TMEM132B: variants seen among roughly 807,000 people sequenced by gnomAD.
TMEM132B encodes the protein transmembrane protein 132B.
In TMEM132B, 18 loss-of-function variants were observed where a neutral mutation model predicts 90.8. That is an observed-to-expected ratio of 0.20 (90% CI 0.14 to 0.29). The LOEUF is 0.29. TMEM132B is among the 10% of genes least tolerant of loss of function. The pLI is 1.00. For synonymous variants in TMEM132B, 504 were observed against 523.3 expected (o/e 0.96, Z 0.50); for missense variants, 1,096 against 1,326.8 (o/e 0.83, Z 2.70).
At chr12:125,634,093 T>C (rs942454417) in intron 5 of TMEM132B, among the ~76,000 whole-genome samples, 1 of 152,200 alleles carries the variant, frequency 6.6e-6, no homozygotes, top group African/African-American at 2.4e-5. Flanking sequence ...ACCTTGGAAG[T>C]CTACCTGGTG....
chr12:125,483,936 G>A (rs576066447), intron 3 of TMEM132B, among the ~76,000 whole-genome samples: 1 of 152,182 alleles, frequency 6.6e-6, no homozygotes, highest in Non-Finnish European at 1.5e-5. Context: ...TGGTTTGGGA[G>A]GGAGGAAGGA....
At chr12:125,249,615 G>A (rs549784142) in intron 1 of TMEM132B, among the ~76,000 whole-genome samples, 2 of 152,168 alleles carry the variant, frequency 1.3e-5, no homozygotes, top group Non-Finnish European at 2.9e-5. Flanking sequence ...TTTTACAAAC[G>A]CAGCTGTCTC....
At chr12:125,364,510 A>C (rs1878065594) in intron 2 of TMEM132B, among the ~76,000 whole-genome samples, 1 of 152,134 alleles carries the variant, frequency 6.6e-6, no homozygotes, top group African/African-American at 2.4e-5. Context: ...CCTTATAAAT[A>C]GCTTAGTATG....
In TMEM132B at chr12:125,650,783, G is replaced by C. The variant is rs759726998; in HGVS notation, c.1744G>C (p.Val582Leu). The change falls in exon 7 of 9, where the codon GTG becomes CTG. Residue 582 changes from valine to leucine, a missense_variant. Val to Leu is a conservative substitution (Grantham distance 32). Transcript: ENST00000682704. Reference sequence around the variant, plus strand: ...CACAGTGCGTGTCCTCACCCAGTTTGTGGCCGAGTCACCTGACTTAGGGCA... The same window carrying C: ...CACAGTGCGTGTCCTCACCCAGTTTCTGGCCGAGTCACCTGACTTAGGGCA... ...HATVRVLTQF[V>L]AESPDLGQLT... is the part of the protein sequence containing the mutation. The C allele has an allele frequency of 6.2e-7, 1 of 1,614,108 alleles. No homozygotes were observed. Among genetic ancestry groups the C allele is most frequent in the South Asian group, 1.1e-5 (1 of 91,092 alleles).
intron 3 of TMEM132B, among the ~76,000 whole-genome samples, chr12:125,428,213 C>G (rs137882101): frequency 0.011 from 1,687 of 151,972 alleles, 29 homozygotes; most frequent in African/African-American, 0.037. Flanking sequence ...AGGCTGGTCT[C>G]GAACTGCTGG....
At chr12:125,188,439 A>T (rs904429546) in intron 1 of TMEM132B, among the ~76,000 whole-genome samples, 1 of 152,194 alleles carries the variant, frequency 6.6e-6, no homozygotes, top group African/African-American at 2.4e-5. Context: ...CACGGGGGTC[A>T]GCATTTGCCT....
chr12:125,591,984 A>G (rs1052218162), intron 5 of TMEM132B, among the ~76,000 whole-genome samples: 3 of 152,154 alleles, frequency 2.0e-5, no homozygotes, highest in Non-Finnish European at 4.4e-5. Context: ...TGGGGCCACA[A>G]TTCAACCCAC....
At chr12:125,598,116 C>A (rs1357624350) in intron 5 of TMEM132B, among the ~76,000 whole-genome samples, 1 of 152,206 alleles carries the variant, frequency 6.6e-6, no homozygotes, top group South Asian at 2.1e-4. Flanking sequence ...GATCAGAACC[C>A]TAGAAGGAAA....
chr12:125,361,036 T>C (rs80036269), intron 2 of TMEM132B, among the ~76,000 whole-genome samples: 1,883 of 152,228 alleles, frequency 0.012, 43 homozygotes, highest in African/African-American at 0.042. Context: ...CCAAGCCTAG[T>C]GCCTGGGAGC....
At chr12:125,270,231 C>A (rs375848118) in intron 1 of TMEM132B, among the ~76,000 whole-genome samples, 1 of 151,894 alleles carries the variant, frequency 6.6e-6, no homozygotes, top group Non-Finnish European at 1.5e-5. Context: ...CGAACTCCTA[C>A]GCTCAAGCCA....
chr12:125,296,334 T>G (rs1875672236), intron 1 of TMEM132B, among the ~76,000 whole-genome samples: 1 of 152,096 alleles, frequency 6.6e-6, no homozygotes, highest in Non-Finnish European at 1.5e-5. Flanking sequence ...TTGCCAGGAG[T>G]GCGCTTCCCA....
chr12:125,325,564 C>T (rs542353220), intron 1 of TMEM132B, among the ~76,000 whole-genome samples: 6 of 152,156 alleles, frequency 3.9e-5, no homozygotes, highest in South Asian at 2.1e-4. Context: ...GACATTTTTG[C>T]GGAGAACTCT....
At chr12:125,580,599 G>C (rs1043533561) in intron 4 of TMEM132B, among the ~76,000 whole-genome samples, 1 of 152,172 alleles carries the variant, frequency 6.6e-6, no homozygotes, top group Non-Finnish European at 1.5e-5. Flanking sequence ...ATTTAAGCAG[G>C]TCAGGTTAAA....
chr12:125,583,642 C>A, intron 4 of TMEM132B, among the ~76,000 whole-genome samples: 1 of 152,100 alleles, frequency 6.6e-6, no homozygotes, highest in East Asian at 1.9e-4. Context: ...ACATTCCAAC[C>A]AACCATCAGG....
chr12:125,483,281 G>GA (rs1261794761), intron 3 of TMEM132B, among the ~76,000 whole-genome samples: 1 of 152,012 alleles, frequency 6.6e-6, no homozygotes, highest in African/African-American at 2.4e-5. Context: ...AAATATGTGA[G>GA]AAAAAATAGT....
At chr12:125,482,767 A>G (rs1479174406) in intron 3 of TMEM132B, among the ~76,000 whole-genome samples, 1 of 152,190 alleles carries the variant, frequency 6.6e-6, no homozygotes, top group Non-Finnish European at 1.5e-5. Context: ...AGGATTGTAA[A>G]TCATGCTAGT....
intron 4 of TMEM132B, among the ~76,000 whole-genome samples, chr12:125,536,968 C>A (rs1241232634): frequency 6.6e-6 from 1 of 151,904 alleles, no homozygotes; most frequent in Non-Finnish European, 1.5e-5. Flanking sequence ...TTTTTGAGAT[C>A]TTTTTTTACT....
At chr12:125,441,564 C>T (rs1360255565) in intron 3 of TMEM132B, among the ~76,000 whole-genome samples, 2 of 152,180 alleles carry the variant, frequency 1.3e-5, no homozygotes, top group Non-Finnish European at 2.9e-5. Context: ...GTTGGTCTCA[C>T]TTTGAAGTTA....
At chr12:125,648,693 T>C (rs1886831210) in intron 6 of TMEM132B, among the ~76,000 whole-genome samples, 1 of 152,230 alleles carries the variant, frequency 6.6e-6, no homozygotes, top group Non-Finnish European at 1.5e-5. Context: ...GATGTATTCA[T>C]TGACCATTGT....
Sources: gnomAD v4.1 joint callset for allele counts (sites outside exome capture counted in the v4.1 genomes callset) on GRCh38, gnomAD v4.1.1 for gene constraint, MANE v1.5 for transcripts, NCBI Gene and HGNC (gene_info 2026-07-23, HGNC 2026-07-21) for gene names.